The following DCDC1 variants were observed in gnomAD, a reference collection of about 807,000 sequenced individuals.
DCDC1 encodes the protein doublecortin domain containing 1.
DCDC1 carries 200 observed loss-of-function variants against 178.3 expected under a neutral mutation model. The observed-to-expected ratio is 1.12, with a 90% confidence interval of 1.00 to 1.26. The LOEUF is 1.26. Ranked by LOEUF, DCDC1 falls within the 50% of genes most tolerant of loss-of-function variation. DCDC1 has a pLI of 0.00. For missense variants in DCDC1, 1,983 were observed against 1,749.2 expected (o/e 1.13, Z -2.38); for synonymous variants, 690 against 604.8 (o/e 1.14, Z -2.07).
chr11:31,123,732 T>C (rs868016867), intron 11 of DCDC1, among the ~76,000 whole-genome samples: 21 of 151,906 alleles, frequency 1.4e-4, no homozygotes, highest in Non-Finnish European at 2.8e-4. Flanking sequence ...GAGTACTTTA[T>C]AGGGGAAAAA....
chr11:31,110,415 A>C (rs1959130663), intron 11 of DCDC1, 54 bp from the exon 12 acceptor site: 2 of 661,538 alleles, frequency 3.0e-6, no homozygotes, highest in Non-Finnish European at 5.5e-6. Context: ...ACATACATAC[A>C]TATATTCATA....
intron 10 of DCDC1, among the ~76,000 whole-genome samples, chr11:31,133,619 G>A (rs964177736): frequency 1.3e-5 from 2 of 152,208 alleles, no homozygotes; most frequent in Admixed American, 1.3e-4. Flanking sequence ...TGAGCTGGGT[G>A]TAACTAACCA....
chr11:31,130,957 T>C (rs1008434140), intron 10 of DCDC1, among the ~76,000 whole-genome samples: 1 of 24,956 alleles, frequency 4.0e-5, no homozygotes, highest in Admixed American at 3.5e-4. Context: ...CCGAGGCGGG[T>C]GGATCATGAG....
At chr11:31,034,690 T>A (rs1175260406) in intron 20 of DCDC1, among the ~76,000 whole-genome samples, 1 of 152,230 alleles carries the variant, frequency 6.6e-6, no homozygotes, top group Non-Finnish European at 1.5e-5. Context: ...TTGAGGTTTG[T>A]GTAAGTACAC....
At chr11:31,119,569 G>A (rs1287196693) in intron 11 of DCDC1, among the ~76,000 whole-genome samples, 1 of 152,142 alleles carries the variant, frequency 6.6e-6, no homozygotes, top group Non-Finnish European at 1.5e-5. Flanking sequence ...AAAAAATCTT[G>A]TCACACTTTC....
intron 8 of DCDC1, among the ~76,000 whole-genome samples, chr11:31,262,266 C>T (rs913587150): frequency 1.8e-5 from 2 of 110,126 alleles, no homozygotes; most frequent in African/African-American, 7.7e-5. Flanking sequence ...GACCTTGTCT[C>T]AGGAAAAAAA....
At chr11:31,304,302 C>T (rs930343167) in intron 6 of DCDC1, among the ~76,000 whole-genome samples, 6 of 152,056 alleles carry the variant, frequency 3.9e-5, no homozygotes, top group Non-Finnish European at 7.4e-5. Context: ...AATCAAGGAT[C>T]TTAATGAAGC....
chr11:31,058,962 G>A (rs1320554087), intron 20 of DCDC1, among the ~76,000 whole-genome samples: 1 of 151,884 alleles, frequency 6.6e-6, no homozygotes. Context: ...CTAGTTTGGG[G>A]GCTGCAAGTT....
At chr11:31,019,981 C>G (rs760110183) in intron 20 of DCDC1, among the ~76,000 whole-genome samples, 6 of 152,100 alleles carry the variant, frequency 3.9e-5, no homozygotes, top group Non-Finnish European at 7.4e-5. Flanking sequence ...GCACCTCATT[C>G]CTCTTCATCC....
intron 20 of DCDC1, among the ~76,000 whole-genome samples, chr11:31,051,707 T>C (rs2135413354): frequency 6.6e-6 from 1 of 152,258 alleles, no homozygotes; most frequent in South Asian, 2.1e-4. Flanking sequence ...AGCCAAGAAT[T>C]CTGTATCCAG....
At chr11:30,935,255 G>A (rs921048180) in intron 21 of DCDC1, among the ~76,000 whole-genome samples, 6 of 152,262 alleles carry the variant, frequency 3.9e-5, no homozygotes, top group Middle Eastern at 3.4e-3. Flanking sequence ...TCCATCATAC[G>A]TCATCCCAGC....
Position 31,106,836 on chromosome 11 carries a change from T to A in DCDC1, c.1712A>T (p.Asn571Ile). The A allele has an allele frequency of 1.3e-6, 1 of 766,256 alleles. No homozygotes were observed. The allele number at this position is 766,256 out of a possible 1,614,324, so 47.5% of individuals were successfully genotyped here. Residue 571 changes from asparagine to isoleucine, a missense_variant, in exon 13 of 39, where the codon AAT becomes ATT. Asn to Ile is a moderately radical substitution (Grantham distance 149). Transcript: ENST00000684477. ...ATAAGAGACCCAAATTTTTTGCTCA[T>A]TCTTCAGCGAAAGTGGATTCTTAAT... is the stretch of plus-strand genomic sequence containing the variant. ...QEIKNPLSLK[N>I]EQKIWVSYGR... is the part of the protein sequence containing the mutation.
chr11:31,027,517 G>A (rs1223987982), intron 20 of DCDC1, among the ~76,000 whole-genome samples: 3 of 151,776 alleles, frequency 2.0e-5, no homozygotes, highest in Admixed American at 2.0e-4. Flanking sequence ...AACACTTGTT[G>A]ATTACTTGGA....
chr11:30,977,088 A>G (rs188131049), intron 20 of DCDC1, among the ~76,000 whole-genome samples: 26 of 152,338 alleles, frequency 1.7e-4, no homozygotes, highest in African/African-American at 2.9e-4. Flanking sequence ...ACAGAAAGAC[A>G]AATATCACAC....
intron 3 of DCDC1, among the ~76,000 whole-genome samples, chr11:31,318,712 T>C (rs1411303345): frequency 2.7e-5 from 1 of 36,986 alleles, no homozygotes. Context: ...TTTCAATGTG[T>C]TTGCTCTTGC....
At chr11:30,878,466 G>T (rs1297024136) in intron 38 of DCDC1, 78 bp downstream of exon 38, 13 of 1,271,964 alleles carry the variant, frequency 1.0e-5, no homozygotes, top group Non-Finnish European at 1.4e-5. Context: ...AAAAGAAAGA[G>T]GGGGGAACTG....
intron 21 of DCDC1, among the ~76,000 whole-genome samples, chr11:30,933,943 T>C (rs1194316871): frequency 6.6e-6 from 1 of 152,184 alleles, no homozygotes; most frequent in Non-Finnish European, 1.5e-5. Context: ...GGCAGTATTG[T>C]TAGGAATGAA....
chr11:31,172,225 T>C (rs1218135422), intron 9 of DCDC1, among the ~76,000 whole-genome samples: 1 of 152,070 alleles, frequency 6.6e-6, no homozygotes, highest in African/African-American at 2.4e-5. Flanking sequence ...TACCTTCTAA[T>C]ATCTATCAAC....
intron 21 of DCDC1, among the ~76,000 whole-genome samples, chr11:30,937,704 C>T (rs1472563009): frequency 6.6e-5 from 10 of 152,126 alleles, no homozygotes; most frequent in South Asian, 4.1e-4. Flanking sequence ...ATTCCTCAAT[C>T]GGTTTTTCAT....
Sources: allele counts gnomAD v4.1 joint callset (sites outside exome capture counted in the v4.1 genomes callset), GRCh38; gene constraint gnomAD v4.1.1; transcripts MANE v1.5; gene names NCBI Gene and HGNC (gene_info 2026-07-23, HGNC 2026-07-21).